TBX4: variants seen among roughly 807,000 people sequenced by gnomAD.
TBX4 encodes T-box transcription factor TBX4.
TBX4 carries 13 observed loss-of-function variants against 54.6 expected under a neutral mutation model. The observed-to-expected ratio is 0.24, with a 90% CI of 0.15 to 0.38. The LOEUF (loss-of-function observed/expected upper bound fraction) is 0.38, where lower values mean the gene tolerates loss of function less well. Among genes scored for constraint, TBX4 ranks in the 10% least tolerant of loss-of-function variants. The pLI is 1.00. For synonymous variants in TBX4, 314 were observed against 306.7 expected (o/e 1.02, Z -0.25); for missense variants, 631 against 728.5 (o/e 0.87, Z 1.54).
chr17:61,465,327 A>G lies in TBX4; in HGVS notation c.282-492A>G, dbSNP rs2060527077. On this transcript the variant is annotated intron_variant, in intron 3 of 8. Transcript: ENST00000644296. This position sits in a 1 kb window ranked among gnomAD's most constrained non-coding sequence, Gnocchi z 4.9. The stretch of plus-strand genomic sequence containing the variant: ...GGATTTCCACAGAGGCATGACCCAG[A>G]GGAGGCAGCTCATTATTTATGGAAG... 1.3e-5 allele frequency among the ~76,000 whole-genome samples: 2 copies of G among 152,182 alleles called. No homozygotes were observed. Among genetic ancestry groups the G allele is most frequent in the African/African-American group, 4.8e-5 (2 of 41,444 alleles).
intron 8 of TBX4, among the ~76,000 whole-genome samples, chr17:61,482,482 G>T (rs1309073121): frequency 6.6e-6 from 1 of 152,244 alleles, no homozygotes; most frequent in Non-Finnish European, 1.5e-5. Flanking sequence ...TTAATTTTCT[G>T]GCTACTTCAG....
rs1349916612 is a variant in TBX4, at chr17:61,481,498, GAA to G, written c.1021+1180_1021+1181del. 3 of 152,496 alleles carry G rather than the reference GAA, an allele frequency of 2.0e-5. No homozygotes were observed. The highest frequency in any genetic ancestry group is 4.4e-5 in the Non-Finnish European group (3 of 68,234). The allele number at this position is 152,496 out of a possible 1,614,324, so 9.4% of individuals were successfully genotyped here. Reference sequence around the variant, plus strand: ...CAGGATCAAGAGCTTAGCTCAGGGAGAAGAGAGGGATTTGGAGAGAAGACGGA... The same window carrying G: ...CAGGATCAAGAGCTTAGCTCAGGGAGGAGAGGGATTTGGAGAGAAGACGGA... On this transcript the variant is annotated intron_variant, in intron 8 of 8. Coordinates refer to ENST00000644296, the MANE Select transcript of TBX4 (RefSeq NM_001321120.2). The surrounding 1 kb of genome is among the most constrained non-coding windows in gnomAD (Gnocchi z 4.8).
At position 61,483,620 on chromosome 17, in the gene TBX4, G is replaced by T; in HGVS notation, c.*104G>T. On this transcript the variant is annotated 3_prime_UTR_variant, in exon 9 of 9. Transcript: ENST00000644296. The surrounding 1 kb of genome is among the most constrained non-coding windows in gnomAD (Gnocchi z 6.6). ...AACACAGGAAGGTATTCCAGTGTGTGTGTGTGTGTGTGTGTGTGTGTGTGT... is the reference window on the plus strand; with the variant it reads ...AACACAGGAAGGTATTCCAGTGTGTTTGTGTGTGTGTGTGTGTGTGTGTGT... 2.2e-6 allele frequency: 2 copies of T among 924,268 alleles called. No homozygotes were observed. Among genetic ancestry groups the T allele is most frequent in the Non-Finnish European group, 3.4e-6 (2 of 582,410 alleles). 57.3% of individuals were successfully genotyped at this position (924,268 alleles called of 1,614,324 possible).
chr17:61,461,006 A>G lies in TBX4; in HGVS notation c.281+3375A>G, dbSNP rs1292134223. Reference sequence around the variant, plus strand: ...TCAAAGCCAATTGCCCTCACTCTGTATACAGAGCGTCAGAGCCCAGTGGCG... The same window carrying G: ...TCAAAGCCAATTGCCCTCACTCTGTGTACAGAGCGTCAGAGCCCAGTGGCG... On this transcript the variant is annotated intron_variant, in intron 3 of 8. Transcript: ENST00000644296. The surrounding 1 kb of genome is among the most constrained non-coding windows in gnomAD (Gnocchi z 5.1). Among the ~76,000 whole-genome samples, 1 of 152,232 alleles carries G rather than the reference A, an allele frequency of 6.6e-6. No individual in the cohort carries two copies. Among genetic ancestry groups the G allele is most frequent in the African/African-American group, 2.4e-5 (1 of 41,464 alleles).
chr17:61,466,183 G>C (rs903265707), intron 4 of TBX4, among the ~76,000 whole-genome samples: 2 of 152,186 alleles, frequency 1.3e-5, no homozygotes, highest in Non-Finnish European at 2.9e-5. Flanking sequence ...TTGGTGGATC[G>C]CAAGGGTCTG....
At chr17:61,466,915 G>GGAGGCA (rs1348033580) in intron 4 of TBX4, among the ~76,000 whole-genome samples, 1 of 152,188 alleles carries the variant, frequency 6.6e-6, no homozygotes, top group African/African-American at 2.4e-5. Context: ...CAGCTACTCT[G>GGAGGCA]GAGGCAGAGG....
chr17:61,480,459 G>A lies in TBX4; in HGVS notation c.1021+140G>A. The stretch of plus-strand genomic sequence containing the variant: ...GTGGCCTGGGAGAGTGGGCCTGAAG[G>A]GTTAGGGATCACAGCTGGGCGCAGG... On this transcript the variant is annotated intron_variant, in intron 8 of 8. Coordinates refer to ENST00000644296, the MANE Select transcript of TBX4 (RefSeq NM_001321120.2). The surrounding 1 kb of genome is among the most constrained non-coding windows in gnomAD (Gnocchi z 6.2). 1.2e-6 allele frequency: 1 copy of A among 818,518 alleles called. No individual in the cohort carries two copies. The highest frequency in any genetic ancestry group is 1.5e-5 in the South Asian group (1 of 68,274). 50.7% of individuals were successfully genotyped at this position (818,518 alleles called of 1,614,324 possible).
In TBX4 at chr17:61,483,459, A is replaced by ATCTT. The variant is rs1242141726; in HGVS notation, c.1585_1588dup (p.Ser530PhefsTer17). 1 of 1,614,044 alleles carries ATCTT rather than the reference A, an allele frequency of 6.2e-7. No homozygotes were observed. Among genetic ancestry groups the ATCTT allele is most frequent in the African/African-American group, 1.3e-5 (1 of 74,908 alleles). ...CTCAAACCTTCTCCTTGTCCCGAGA[A>ATCTT]TCTTCCTTACAGTACCATTCAGGAA... On this transcript the variant is annotated frameshift_variant, in exon 9 of 9. Coordinates refer to ENST00000644296, the MANE Select transcript of TBX4 (RefSeq NM_001321120.2). LOFTEE classifies it high-confidence loss of function. This position sits in a 1 kb window ranked among gnomAD's most constrained non-coding sequence, Gnocchi z 6.6.
Position 61,481,570 on chromosome 17 carries a change from G to A in TBX4, c.1021+1251G>A, listed in dbSNP as rs894756715. 7 of 152,814 alleles carry A rather than the reference G, an allele frequency of 4.6e-5. No individual in the cohort carries two copies. Among genetic ancestry groups the A allele is most frequent in the Admixed American group, 2.0e-4 (3 of 15,288 alleles). 9.5% of individuals were successfully genotyped at this position (152,814 alleles called of 1,614,324 possible). ...GCAAAGGAGAGAGCTGGGCAAGGGA[G>A]AGGAGCAGGTCTCCCTGGGCAGGGC... On this transcript the variant is annotated intron_variant, in intron 8 of 8. Transcript: ENST00000644296. The surrounding 1 kb of genome is among the most constrained non-coding windows in gnomAD (Gnocchi z 4.8).
chr17:61,477,357 G>C (rs889969523), intron 5 of TBX4, among the ~76,000 whole-genome samples: 2 of 152,238 alleles, frequency 1.3e-5, no homozygotes, highest in African/African-American at 4.8e-5. Context: ...CAACTACTGT[G>C]AGCGGCCCCC....
rs2060613184 is a variant in TBX4 at position 61,475,420 on chromosome 17, G to A, written c.550-3207G>A. ...GCACATCTTCCTGAATTTCCCAGAAGGTTCTGAGCAGGGGAGTGAACTGAT... is the reference window on the plus strand; with the variant it reads ...GCACATCTTCCTGAATTTCCCAGAAAGTTCTGAGCAGGGGAGTGAACTGAT... On this transcript the variant is annotated intron_variant, in intron 5 of 8. Transcript: ENST00000644296. The surrounding 1 kb of genome is among the most constrained non-coding windows in gnomAD (Gnocchi z 5.0). Among the ~76,000 whole-genome samples the A allele has an allele frequency of 6.6e-6, 1 of 152,236 alleles. No homozygotes were observed. The highest frequency in any genetic ancestry group is 2.4e-5 in the African/African-American group (1 of 41,450).
Position 61,480,022 on chromosome 17 carries a change from G to C in TBX4, c.791+53G>C. On this transcript the variant is annotated intron_variant, in intron 7 of 8. Transcript: ENST00000644296. This position sits in a 1 kb window ranked among gnomAD's most constrained non-coding sequence, Gnocchi z 6.2. Reference sequence around the variant, plus strand: ...CGGGCAGATGGGATTCAGGCACGTGGCCTCTGTGACCCTCGATGTATCTTC... The same window carrying C: ...CGGGCAGATGGGATTCAGGCACGTGCCCTCTGTGACCCTCGATGTATCTTC... 1 of 1,612,432 alleles carries C rather than the reference G, an allele frequency of 6.2e-7. No individual in the cohort carries two copies. The highest frequency in any genetic ancestry group is 2.2e-5 in the East Asian group (1 of 44,856).
chr17:61,467,377 T>C (rs1357523600), intron 4 of TBX4, 133 bp from the exon 5 acceptor site: 12 of 995,188 alleles, frequency 1.2e-5, no homozygotes, highest in Non-Finnish European at 1.9e-5. Context: ...CTTGAAGTAC[T>C]AATTTGACAA....
chr17:61,462,238 G>C lies in TBX4; in HGVS notation c.282-3581G>C, dbSNP rs1027549220. Among the ~76,000 whole-genome samples the C allele has an allele frequency of 1.3e-3, 193 of 152,288 alleles. 1 individual carries two copies. Among genetic ancestry groups the C allele is most frequent in the African/African-American group, 4.5e-3 (189 of 41,566 alleles). On this transcript the variant is annotated intron_variant, in intron 3 of 8. Coordinates refer to ENST00000644296, the MANE Select transcript of TBX4 (RefSeq NM_001321120.2). This position sits in a 1 kb window ranked among gnomAD's most constrained non-coding sequence, Gnocchi z 4.5. ...AAGGCTCCAGCTCCGCACCCTTTCA[G>C]AGCCTGTTTCATGATCAGAGGAGAA... is the stretch of plus-strand genomic sequence containing the variant.
Position 61,483,379 on chromosome 17 carries a change from T to C in TBX4, c.1504T>C (p.Cys502Arg), listed in dbSNP as rs756946831. Residue 502 changes from cysteine to arginine, a missense_variant, in exon 9 of 9, where the codon TGT becomes CGT. Transcript: ENST00000644296. This position sits in a 1 kb window ranked among gnomAD's most constrained non-coding sequence, Gnocchi z 6.6. ...AAGAGAGCGCGGCCTCCCCCAAGGGTGTGAGAGGAAGCCACCCTCGCCACA... is the reference window on the plus strand; with the variant it reads ...AAGAGAGCGCGGCCTCCCCCAAGGGCGTGAGAGGAAGCCACCCTCGCCACA... ...FPRERGLPQG[C>R]ERKPPSPHLN... 12 of 1,610,444 alleles carry C rather than the reference T, an allele frequency of 7.5e-6. No individual in the cohort carries two copies. The highest frequency in any genetic ancestry group is 1.0e-5 in the Non-Finnish European group (12 of 1,177,446).
At position 61,483,312 on chromosome 17, in the gene TBX4, C is replaced by T. The variant is rs962147622; in HGVS notation, c.1437C>T (p.Ser479=). Residue 479 remains serine, a synonymous_variant, in exon 9 of 9, where the codon TCC becomes TCT. Coordinates refer to ENST00000644296, the MANE Select transcript of TBX4 (RefSeq NM_001321120.2). This position sits in a 1 kb window ranked among gnomAD's most constrained non-coding sequence, Gnocchi z 6.6. The part of the protein sequence containing the change: ...NAHFSVYNQL[S]QSQVRERGPS... ...ACTTTAGTGTCTACAATCAGCTCTCCCAGTCTCAGGTCCGAGAGCGGGGGC... is the reference window on the plus strand; with the variant it reads ...ACTTTAGTGTCTACAATCAGCTCTCTCAGTCTCAGGTCCGAGAGCGGGGGC... 3.7e-6 allele frequency: 6 copies of T among 1,611,948 alleles called. No homozygotes were observed. Among genetic ancestry groups the T allele is most frequent in the Non-Finnish European group, 5.1e-6 (6 of 1,178,108 alleles).
At chr17:61,454,104 A>G (rs1294166676) in intron 1 of TBX4, among the ~76,000 whole-genome samples, 1 of 152,254 alleles carries the variant, frequency 6.6e-6, no homozygotes. Flanking sequence ...AGTAACAGTA[A>G]GCTAACGAAT....
At position 61,461,284 on chromosome 17, in the gene TBX4, C is replaced by T; in HGVS notation, c.281+3653C>T. Among the ~76,000 whole-genome samples the T allele has an allele frequency of 6.6e-6, 1 of 152,178 alleles. No homozygotes were observed. Among genetic ancestry groups the T allele is most frequent in the East Asian group, 1.9e-4 (1 of 5,194 alleles). On this transcript the variant is annotated intron_variant, in intron 3 of 8. Transcript: ENST00000644296. The surrounding 1 kb of genome is among the most constrained non-coding windows in gnomAD (Gnocchi z 5.1). ...ATTAGAAAACTGTGTGTGTATGCCT[C>T]TATGTATGTGTGTGAAACGTGGAAA...
chr17:61,456,070 G>A (rs1341316361), intron 1 of TBX4, among the ~76,000 whole-genome samples: 3 of 152,152 alleles, frequency 2.0e-5, no homozygotes, highest in Non-Finnish European at 4.4e-5. Flanking sequence ...GCCAGGAGGT[G>A]TCCTGGCTGT....
Sources: gnomAD v4.1 joint callset for allele counts (sites outside exome capture counted in the v4.1 genomes callset) on GRCh38, gnomAD v4.1.1 for gene constraint, Gnocchi (gnomAD v3.1) non-coding constraint, MANE v1.5 for transcripts, NCBI Gene and HGNC (gene_info 2026-07-23, HGNC 2026-07-21) for gene names.